The following IFT88 variants were observed in gnomAD, a reference collection of about 807,000 sequenced individuals.
IFT88 encodes the protein intraflagellar transport 88.
A neutral mutation model predicts 119.5 loss-of-function variants in IFT88; 74 were observed. The observed-to-expected ratio is 0.62, with a 90% confidence interval of 0.51 to 0.75. IFT88 has a LOEUF of 0.75. IFT88 is among the 30% of genes least tolerant of loss of function. The pLI is 0.00. For missense variants in IFT88, 961 were observed against 977.7 expected (o/e 0.98, Z 0.23); for synonymous variants, 279 against 316.7 (o/e 0.88, Z 1.26).
intron 17 of IFT88, among the ~76,000 whole-genome samples, chr13:20,640,570 CAAAATAAATAAA>C (rs2049756389): frequency 1.3e-5 from 1 of 74,302 alleles, no homozygotes; most frequent in South Asian, 3.6e-4. Context: ...GACTCCGTCT[CAAAATAAATAAA>C]TAAATAAATA....
At chr13:20,569,754 C>G (rs972466111) in intron 1 of IFT88, among the ~76,000 whole-genome samples, 1 of 151,450 alleles carries the variant, frequency 6.6e-6, no homozygotes, top group Non-Finnish European at 1.5e-5. Flanking sequence ...GCTGGCCGGG[C>G]GCGGTGGTTC....
chr13:20,579,326 A>C (rs1031315043), intron 2 of IFT88, among the ~76,000 whole-genome samples: 2 of 152,110 alleles, frequency 1.3e-5, no homozygotes, highest in Non-Finnish European at 2.9e-5. Context: ...TTGGTGCTCT[A>C]TTCTTCTGCT....
intron 1 of IFT88, among the ~76,000 whole-genome samples, chr13:20,570,869 CTAA>C (rs1434456139): frequency 6.6e-6 from 1 of 151,836 alleles, no homozygotes; most frequent in African/African-American, 2.4e-5. Flanking sequence ...AGTTCAAAAA[CTAA>C]TAATTTTGTT....
intron 13 of IFT88, 23 bp downstream of exon 13, chr13:20,605,128 G>A (rs374057911): frequency 5.0e-5 from 49 of 982,578 alleles, no homozygotes; most frequent in Admixed American, 6.4e-5. Context: ...ACTTAATAAC[G>A]TAGTTATTAA....
At chr13:20,688,874 A>C (rs1296953268) in intron 24 of IFT88, among the ~76,000 whole-genome samples, 5 of 152,156 alleles carry the variant, frequency 3.3e-5, no homozygotes, top group Non-Finnish European at 5.9e-5. Context: ...TAATAGGTGC[A>C]TGCCACTCTG....
chr13:20,574,403 C>T lies in IFT88; in HGVS notation c.18C>T (p.His6=). MMQNV[H]LAPETDEDDL... ...AGGTACAAATGATGCAAAATGTGCA[C>T]CTGGCTCCAGAGACAGATGAAGATG... is the stretch of plus-strand genomic sequence containing the variant. The change falls in exon 2 of 26, where the codon CAC becomes CAT. Residue 6 remains histidine (H), a synonymous_variant. Transcript: ENST00000351808. 6 of 1,610,466 alleles carry T rather than the reference C, an allele frequency of 3.7e-6. No individual in the cohort carries two copies. Among genetic ancestry groups the T allele is most frequent in the Non-Finnish European group, 5.1e-6 (6 of 1,177,656 alleles).
chr13:20,621,997 G>A (rs1465712930), intron 14 of IFT88, among the ~76,000 whole-genome samples: 3 of 152,146 alleles, frequency 2.0e-5, no homozygotes, highest in African/African-American at 7.2e-5. Flanking sequence ...TTAGTATGTT[G>A]GCTTTGCTGA....
chr13:20,600,716 A>G (rs533656598), intron 11 of IFT88, among the ~76,000 whole-genome samples: 456 of 23,732 alleles, frequency 0.019, 1 homozygote, highest in African/African-American at 0.051. Context: ...TAGCTAAAAA[A>G]GTTAAAACAC....
chr13:20,672,952 A>C (rs1469833428), intron 24 of IFT88, among the ~76,000 whole-genome samples: 1 of 152,202 alleles, frequency 6.6e-6, no homozygotes, highest in African/African-American at 2.4e-5. Context: ...GCAACAGTCA[A>C]AAGCAACTCT....
Position 20,670,973 on chromosome 13 carries a change from C to G in IFT88, c.2176C>G (p.Arg726Gly), listed in dbSNP as rs373718900. 2 of 1,613,192 alleles carry G rather than the reference C, an allele frequency of 1.2e-6. No homozygotes were observed. Among genetic ancestry groups the G allele is most frequent in the East Asian group, 2.2e-5 (1 of 44,848 alleles). The change falls in exon 24 of 26, where the codon CGC (arginine) becomes GGC (glycine). Residue 726 changes from arginine to glycine, a missense_variant and splice_region_variant. By Grantham distance (125) the Arg-to-Gly change is moderately radical. Transcript: ENST00000351808. ...TAAACTTGTCTTCTCTTTGCTCTAGCGCATAAAGTCAGGCAGAGATGGCAG... is the reference window on the plus strand; with the variant it reads ...TAAACTTGTCTTCTCTTTGCTCTAGGGCATAAAGTCAGGCAGAGATGGCAG... The part of the protein sequence containing the change: ...LEKMKEIREQ[R>G]IKSGRDGSGG...
At chr13:20,597,478 CT>C (rs1566125968) in intron 9 of IFT88, among the ~76,000 whole-genome samples, 1 of 152,112 alleles carries the variant, frequency 6.6e-6, no homozygotes, top group Admixed American at 6.6e-5. Flanking sequence ...GGTGCCGTGG[CT>C]CACGCCTGTA....
At chr13:20,672,961 C>G (rs2056121149) in intron 24 of IFT88, among the ~76,000 whole-genome samples, 1 of 152,166 alleles carries the variant, frequency 6.6e-6, no homozygotes, top group African/African-American at 2.4e-5. Context: ...AAAAGCAACT[C>G]TAGACAGCTC....
rs765120644 is a variant in IFT88 at position 20,638,454 on chromosome 13, C to A, written c.1509C>A (p.Ala503=). Residue 503 remains alanine, a synonymous_variant, in exon 17 of 26, where the codon GCC becomes GCA. Coordinates refer to ENST00000351808, the MANE Select transcript of IFT88 (RefSeq NM_006531.5). The part of the protein sequence containing the change: ...TVFANGDYEK[A]AEFYKEALRN... ...TTGCAAATGGTGATTATGAGAAGGC[C>A]GCTGAATTCTATAAAGAGGCTCTAA... is the stretch of plus-strand genomic sequence containing the variant. 13 of 1,525,274 alleles carry A rather than the reference C, an allele frequency of 8.5e-6. No homozygotes were observed. The Admixed American group carries it at 2.7e-4, about 31-fold the overall frequency. The allele number at this position is 1,525,274 out of a possible 1,614,324, so 94.5% of individuals were successfully genotyped here. A position where few individuals can be genotyped will look rare whatever the true frequency, so the allele number is the denominator to read the frequency against.
At chr13:20,681,860 G>C (rs575445458) in intron 24 of IFT88, among the ~76,000 whole-genome samples, 1 of 152,208 alleles carries the variant, frequency 6.6e-6, no homozygotes, top group Non-Finnish European at 1.5e-5. Context: ...AGTATAGGGC[G>C]TCTGGAAAAC....
chr13:20,596,909 C>G (rs894898663), intron 8 of IFT88, 106 bp from the exon 9 acceptor site: 6 of 612,290 alleles, frequency 9.8e-6, no homozygotes, highest in Non-Finnish European at 1.7e-5. Flanking sequence ...CTTGAGGAAT[C>G]TGAGGATAGA....
chr13:20,647,876 T>C (rs2050981030), intron 20 of IFT88, among the ~76,000 whole-genome samples: 3 of 152,044 alleles, frequency 2.0e-5, no homozygotes. Flanking sequence ...GGAAAAACAC[T>C]AAAAGATCCA....
intron 24 of IFT88, among the ~76,000 whole-genome samples, chr13:20,675,240 A>C (rs1460181195): frequency 1.3e-5 from 2 of 151,998 alleles, no homozygotes; most frequent in Non-Finnish European, 2.9e-5. Flanking sequence ...CTGGACATCT[A>C]TGTGGGGAGG....
intron 14 of IFT88, among the ~76,000 whole-genome samples, chr13:20,616,114 A>G (rs2045570819): frequency 6.6e-6 from 1 of 152,230 alleles, no homozygotes; most frequent in Non-Finnish European, 1.5e-5. Flanking sequence ...TTCAGTCAAC[A>G]ATGGACCACA....
At chr13:20,653,737 A>G (rs375818505) in intron 20 of IFT88, 139 bp from the exon 21 acceptor site, 1 of 460,924 alleles carries the variant, frequency 2.2e-6, no homozygotes, top group East Asian at 3.3e-5. Context: ...GGGAAATTAT[A>G]TATCTGCTGT....
Sources: allele counts gnomAD v4.1 joint callset (sites outside exome capture counted in the v4.1 genomes callset), GRCh38; gene constraint gnomAD v4.1.1; transcripts MANE v1.5; gene names NCBI Gene and HGNC (gene_info 2026-07-23, HGNC 2026-07-21).